SORBS3: variants seen among roughly 807,000 people sequenced by gnomAD.
The protein encoded by SORBS3 is vinexin.
Under a neutral mutation model 98.0 loss-of-function variants are expected in SORBS3, and 69 were observed. The ratio of observed to expected loss-of-function variants is 0.70; its 90% confidence interval spans 0.58 to 0.86. The LOEUF (loss-of-function observed/expected upper bound fraction) is 0.86, where lower values mean the gene tolerates loss of function less well. Ranked by LOEUF, SORBS3 falls within the 40% of genes least tolerant of loss-of-function variation. The pLI is 0.00. For synonymous variants in SORBS3, 394 were observed against 355.4 expected (o/e 1.11, Z -1.22); for missense variants, 954 against 908.5 (o/e 1.05, Z -0.64).
intron 16 of SORBS3, 139 bp from the exon 17 acceptor site, chr8:22,569,009 C>G (rs991721354): frequency 8.0e-6 from 7 of 871,360 alleles, no homozygotes; most frequent in Admixed American, 3.9e-5. Context: ...GTGGCTGCCC[C>G]CAGGGCTTGT....
Position 22,554,831 on chromosome 8 carries a change from C to T in SORBS3, c.103-32C>T. The T allele has an allele frequency of 1.3e-6, 2 of 1,574,032 alleles. No homozygotes were observed. Among genetic ancestry groups the T allele is most frequent in the Non-Finnish European group, 1.7e-6 (2 of 1,145,884 alleles). On this transcript the variant is annotated intron_variant, in intron 2 of 20. Transcript: ENST00000240123. This position sits in a 1 kb window ranked among gnomAD's most constrained non-coding sequence, Gnocchi z 6.5. The stretch of plus-strand genomic sequence containing the variant: ...ATCCCTCCCTCCCGCCCTGCTGGGC[C>T]CTGAGCTGCCGCTCCTGGCCCCTCC...
chr8:22,546,464 C>G (rs1306016106), intron 1 of SORBS3, among the ~76,000 whole-genome samples: 2 of 152,238 alleles, frequency 1.3e-5, no homozygotes, highest in South Asian at 4.2e-4. Flanking sequence ...GTCTCTCCAG[C>G]CCTTTCATTT....
intron 17 of SORBS3, among the ~76,000 whole-genome samples, chr8:22,569,618 G>A (rs1443860169): frequency 6.6e-6 from 1 of 152,206 alleles, no homozygotes; most frequent in Non-Finnish European, 1.5e-5. Flanking sequence ...GATTACAGGC[G>A]TGAGCCACCG....
rs1314031942 is a variant in SORBS3 at position 22,554,052 on chromosome 8, C to A, written c.-55-400C>A. Among the ~76,000 whole-genome samples, 1 of 152,166 alleles carries A rather than the reference C, an allele frequency of 6.6e-6. No homozygotes were observed. The highest frequency in any genetic ancestry group is 1.5e-5 in the Non-Finnish European group (1 of 68,012). Reference sequence around the variant, plus strand: ...GAGGCAGAGGGAACTGAAACAAAGTCCTGTGTTCCCAGGCCCCCTCTCTGC... The same window carrying A: ...GAGGCAGAGGGAACTGAAACAAAGTACTGTGTTCCCAGGCCCCCTCTCTGC... On this transcript the variant is annotated intron_variant, in intron 1 of 20. Coordinates refer to ENST00000240123, the MANE Select transcript of SORBS3 (RefSeq NM_005775.5). The surrounding 1 kb of genome is among the most constrained non-coding windows in gnomAD (Gnocchi z 6.5).
Position 22,564,279 on chromosome 8 carries a change from G to C in SORBS3, c.676-4G>C, listed in dbSNP as rs771580823. ...CAAGCTGACACCCACCCACCTCCAC[G>C]CAGGTGCTCAGACGCCGGGAAAAAG... is the stretch of plus-strand genomic sequence containing the variant. On this transcript the variant is annotated splice_region_variant and splice_polypyrimidine_tract_variant and intron_variant, in intron 8 of 20. Transcript: ENST00000240123. 1.3e-6 allele frequency: 2 copies of C among 1,585,596 alleles called. No individual in the cohort carries two copies. The highest frequency in any genetic ancestry group is 1.7e-6 in the Non-Finnish European group (2 of 1,164,510).
At chr8:22,570,599 A>G (rs1840547578) in intron 17 of SORBS3, among the ~76,000 whole-genome samples, 1 of 152,168 alleles carries the variant, frequency 6.6e-6, no homozygotes, top group Admixed American at 6.5e-5. Flanking sequence ...TTGGATCTGT[A>G]TTATTAGCCA....
At chr8:22,563,399 CTCACAGACAGAG>C in intron 7 of SORBS3, among the ~76,000 whole-genome samples, 2 of 152,278 alleles carry the variant, frequency 1.3e-5, no homozygotes, top group South Asian at 4.1e-4. Flanking sequence ...CTGGGGTGGT[CTCACAGACAGAG>C]TCACTGAATC....
At chr8:22,548,753 G>A (rs1055510278), upstream of SORBS3, among the ~76,000 whole-genome samples, 3 of 152,156 alleles carry the variant, frequency 2.0e-5, no homozygotes, top group African/African-American at 7.2e-5. Flanking sequence ...CTGAGTCCGG[G>A]TTCATGTCTT....
rs1030337646 is a variant in SORBS3, at chr8:22,572,380, G to A, written c.1888G>A (p.Glu630Lys). Reference protein sequence around the residue: ...MYQYRPQNEDELELREGDRVD... With the variant: ...MYQYRPQNEDKLELREGDRVD... Reference sequence around the variant, plus strand: ...CCAGTACAGGCCCCAGAACGAAGACGAGCTGGAGCTGCGCGAGGGGGACAG... The same window carrying A: ...CCAGTACAGGCCCCAGAACGAAGACAAGCTGGAGCTGCGCGAGGGGGACAG... Residue 630 changes from glutamate (E) to lysine (K), a missense_variant, in exon 20 of 21, where the codon GAG becomes AAG. Glu to Lys is a moderately conservative substitution (Grantham distance 56). Transcript: ENST00000240123. The A allele has an allele frequency of 1.2e-5, 19 of 1,613,972 alleles. No homozygotes were observed. Among genetic ancestry groups the A allele is most frequent in the Admixed American group, 8.3e-5 (5 of 60,006 alleles).
upstream of SORBS3, among the ~76,000 whole-genome samples, chr8:22,549,530 A>G (rs1448289755): frequency 6.6e-6 from 1 of 152,228 alleles, no homozygotes; most frequent in East Asian, 1.9e-4. Context: ...AAAGGGAGGA[A>G]TCAGTCAAAT....
chr8:22,569,144 G>T lies in SORBS3; in HGVS notation c.1306-4G>T, dbSNP rs1176719429. Reference sequence around the variant, plus strand: ...AATCTTTCTCATGACCTTTCTTCATGCAGGTGCTGCCCGCAGATGAGATCC... The same window carrying T: ...AATCTTTCTCATGACCTTTCTTCATTCAGGTGCTGCCCGCAGATGAGATCC... On this transcript the variant is annotated splice_region_variant and splice_polypyrimidine_tract_variant and intron_variant, in intron 16 of 20. Coordinates refer to ENST00000240123, the MANE Select transcript of SORBS3 (RefSeq NM_005775.5). The T allele has an allele frequency of 1.9e-6, 3 of 1,601,734 alleles. No homozygotes were observed. Among genetic ancestry groups the T allele is most frequent in the Non-Finnish European group, 2.6e-6 (3 of 1,173,984 alleles).
chr8:22,551,930 C>A lies in SORBS3; in HGVS notation c.-148C>A. On this transcript the variant is annotated 5_prime_UTR_variant, in exon 1 of 21. Transcript: ENST00000240123. The surrounding 1 kb of genome is among the most constrained non-coding windows in gnomAD (Gnocchi z 5.8). The stretch of plus-strand genomic sequence containing the variant: ...ACGGCCCGCGCTTCTCCTTGCCCTT[C>A]CTCCTCGAGCGCCCGCGCCAGGCAG... 1 of 985,478 alleles carries A rather than the reference C, an allele frequency of 1.0e-6. No individual in the cohort carries two copies. The highest frequency in any genetic ancestry group is 1.7e-5 in the African/African-American group (1 of 57,354). The allele number at this position is 985,478 out of a possible 1,614,324, so 61.0% of individuals were successfully genotyped here.
Position 22,567,100 on chromosome 8 carries a change from C to A in SORBS3, c.1230C>A (p.His410Gln). ...TLQKGDIVYIHKEVDKNWLEG... is the reference protein window; with the variant it reads ...TLQKGDIVYIQKEVDKNWLEG... ...AGAAGGGTGACATTGTCTACATCCA[C>A]AAGGAGGTGGACAAGAACTGGCTGG... Residue 410 changes from histidine (H) to glutamine (Q), a missense_variant, in exon 16 of 21, where the codon CAC (histidine) becomes CAA (glutamine). By Grantham distance (24) the His-to-Gln change is conservative (BLOSUM62 0). Coordinates refer to ENST00000240123, the MANE Select transcript of SORBS3 (RefSeq NM_005775.5). The A allele has an allele frequency of 6.2e-7, 1 of 1,613,728 alleles. No individual in the cohort carries two copies. The highest frequency in any genetic ancestry group is 8.5e-7 in the Non-Finnish European group (1 of 1,179,980).
chr8:22,566,749 G>T (rs766856937), intron 14 of SORBS3, 36 bp downstream of exon 14: 1 of 1,613,490 alleles, frequency 6.2e-7, no homozygotes, highest in Non-Finnish European at 8.5e-7. Context: ...ACCTGGAGTG[G>T]TCCCAAGGCT....
At position 22,570,924 on chromosome 8, in the gene SORBS3, C is replaced by T; in HGVS notation, c.1446C>T (p.Cys482=). ...ELSFRKGEHI[C]LIRKVNENWY... ...TCCCCCCTCAGGGAGAGCACATCTGCCTGATCCGCAAGGTGAACGAGAACT... is the reference window on the plus strand; with the variant it reads ...TCCCCCCTCAGGGAGAGCACATCTGTCTGATCCGCAAGGTGAACGAGAACT... The change falls in exon 18 of 21, where the codon TGC becomes TGT. Residue 482 remains cysteine, a synonymous_variant. Transcript: ENST00000240123. The T allele has an allele frequency of 6.2e-7, 1 of 1,602,392 alleles. No individual in the cohort carries two copies. The highest frequency in any genetic ancestry group is 1.1e-5 in the South Asian group (1 of 89,690).
chr8:22,556,649 A>T, intron 3 of SORBS3, 66 bp from the exon 4 acceptor site: 1 of 1,420,052 alleles, frequency 7.0e-7, no homozygotes, highest in Non-Finnish European at 9.9e-7. Context: ...TGAGGAGCTA[A>T]GGGACACACA....
In SORBS3 at chr8:22,556,019, C is replaced by T. The variant is rs112507663; in HGVS notation, c.221-696C>T. On this transcript the variant is annotated intron_variant, in intron 3 of 20. Transcript: ENST00000240123. ...GACTGACAGCTTCCCAGTAAGGAAC[C>T]CCATTCGCAGAGATGTTCAGCCATA... Among the ~76,000 whole-genome samples the T allele has an allele frequency of 4.0e-3, 613 of 152,286 alleles. 5 individuals carry two copies. The highest frequency in any genetic ancestry group is 0.013 in the African/African-American group (522 of 41,554).
upstream of SORBS3, among the ~76,000 whole-genome samples, chr8:22,547,987 A>G (rs1840033919): frequency 6.6e-6 from 1 of 152,190 alleles, no homozygotes; most frequent in African/African-American, 2.4e-5. Context: ...TGCGTGTGCT[A>G]TGGAAAGGTC....
intron 6 of SORBS3, 72 bp downstream of exon 6, chr8:22,561,445 C>A: frequency 3.8e-6 from 6 of 1,561,596 alleles, no homozygotes; most frequent in Non-Finnish European, 5.3e-6. Flanking sequence ...GGCTGGGACT[C>A]GCAGCCCCGC....
Sources: gnomAD v4.1 joint callset for allele counts (sites outside exome capture counted in the v4.1 genomes callset) on GRCh38, gnomAD v4.1.1 for gene constraint, Gnocchi (gnomAD v3.1) non-coding constraint, MANE v1.5 for transcripts, NCBI Gene and HGNC (gene_info 2026-07-23, HGNC 2026-07-21) for gene names.